DHX9: variants seen among roughly 807,000 people sequenced by gnomAD.
DHX9 encodes ATP-dependent RNA helicase A.
DHX9 carries 27 observed loss-of-function variants against 148.7 expected under a neutral mutation model. The observed-to-expected ratio is 0.18, with a 90% CI of 0.13 to 0.25. The LOEUF (loss-of-function observed/expected upper bound fraction) is 0.25, where lower values mean the gene tolerates loss of function less well. DHX9 is among the 10% of genes least tolerant of loss of function. The pLI is 1.00. For synonymous variants in DHX9, 529 were observed against 516.6 expected (o/e 1.02, Z -0.33); for missense variants, 796 against 1,559.6 (o/e 0.51, Z 8.25).
At chr1:182,872,270 C>G in intron 14 of DHX9, 67 bp from the exon 15 acceptor site, 2 of 1,374,350 alleles carry the variant, frequency 1.5e-6, no homozygotes, top group Middle Eastern at 2.6e-4. Flanking sequence ...CTGTATAACT[C>G]TTTTAGGCAT....
chr1:182,842,526 C>T lies in DHX9; in HGVS notation c.-22-19C>T. 1 of 1,491,728 alleles carries T rather than the reference C, an allele frequency of 6.7e-7. No individual in the cohort carries two copies. The highest frequency in any genetic ancestry group is 9.2e-7 in the Non-Finnish European group (1 of 1,085,670). The allele number at this position is 1,491,728 out of a possible 1,614,324, so 92.4% of individuals were successfully genotyped here. ...TTGCTATTATAAATGCTGTTTTTAA[C>T]TGACTTTTGTTTTCTTAGATCTGAA... On this transcript the variant is annotated intron_variant, in intron 1 of 27. Coordinates refer to ENST00000367549, the MANE Select transcript of DHX9 (RefSeq NM_001357.5).
chr1:182,873,389 C>A (rs920981579), intron 15 of DHX9, among the ~76,000 whole-genome samples: 2 of 152,160 alleles, frequency 1.3e-5, no homozygotes, highest in Admixed American at 1.3e-4. Flanking sequence ...TAGACAGATA[C>A]GAAGTGATGT....
chr1:182,840,168 G>A (rs1480935733), intron 1 of DHX9, among the ~76,000 whole-genome samples: 5 of 152,110 alleles, frequency 3.3e-5, no homozygotes, highest in African/African-American at 1.2e-4. Context: ...TCACTAGCCC[G>A]GGTGTGCAGT....
rs936420078 is a variant in DHX9 at position 182,849,991 on chromosome 1, C to A, written c.253-2242C>A. On this transcript the variant is annotated intron_variant, in intron 3 of 27. Coordinates refer to ENST00000367549, the MANE Select transcript of DHX9 (RefSeq NM_001357.5). Reference sequence around the variant, plus strand: ...TAAAGTGTACACACGTACCCCCCCCCCTTTTTTTTTTAATTTCATCAGCGT... The same window carrying A: ...TAAAGTGTACACACGTACCCCCCCCACTTTTTTTTTTAATTTCATCAGCGT... Among the ~76,000 whole-genome samples, 77 of 146,800 alleles carry A rather than the reference C, an allele frequency of 5.2e-4. 2 individuals carry two copies. Among genetic ancestry groups the A allele is most frequent in the Non-Finnish European group, 6.2e-4 (41 of 66,616 alleles).
intron 1 of DHX9, among the ~76,000 whole-genome samples, chr1:182,841,827 T>G (rs975927745): frequency 1.3e-5 from 2 of 152,212 alleles, no homozygotes; most frequent in Non-Finnish European, 2.9e-5. Flanking sequence ...TTGTTGCACT[T>G]CAAGAAAACT....
chr1:182,885,784 A>T (rs1293041873), intron 27 of DHX9, among the ~76,000 whole-genome samples: 3 of 152,230 alleles, frequency 2.0e-5, no homozygotes, highest in Non-Finnish European at 4.4e-5. Context: ...CAGTGCTCTT[A>T]CTATGCTATT....
At chr1:182,863,815 G>A (rs1396339401) in intron 12 of DHX9, among the ~76,000 whole-genome samples, 3 of 150,836 alleles carry the variant, frequency 2.0e-5, no homozygotes, top group African/African-American at 7.4e-5. Flanking sequence ...TACTGCTTTT[G>A]GTGTACTACA....
intron 1 of DHX9, chr1:182,840,045 C>G (rs1667890850): frequency 6.6e-6 from 1 of 152,358 alleles, no homozygotes; most frequent in Non-Finnish European, 1.5e-5. Context: ...AGGGCAGAAA[C>G]TGGGCGGGAG....
At chr1:182,877,754 A>G in intron 19 of DHX9, 1 of 356,870 alleles carries the variant, frequency 2.8e-6, no homozygotes, top group Non-Finnish European at 5.1e-6. Context: ...TTTACCAAAA[A>G]AACTATAAGG....
At chr1:182,884,102 T>C (rs1197570373) in intron 26 of DHX9, among the ~76,000 whole-genome samples, 1 of 152,122 alleles carries the variant, frequency 6.6e-6, no homozygotes, top group Non-Finnish European at 1.5e-5. Flanking sequence ...GTGAAACCTG[T>C]CTCTACGAAA....
chr1:182,876,790 TA>T, intron 18 of DHX9, 39 bp from the exon 19 acceptor site: 1 of 1,467,674 alleles, frequency 6.8e-7, no homozygotes, highest in South Asian at 1.2e-5. Context: ...AAGTAACTAA[TA>T]AGAATATTTT....
intron 6 of DHX9, among the ~76,000 whole-genome samples, chr1:182,855,338 T>C (rs1668235549): frequency 6.6e-6 from 1 of 152,202 alleles, no homozygotes; most frequent in Non-Finnish European, 1.5e-5. Context: ...TATCAGTATC[T>C]TATCATAGAT....
Position 182,880,597 on chromosome 1 carries a change from G to T in DHX9, c.2613G>T (p.Gly871=), listed in dbSNP as rs763574124. 1.9e-6 allele frequency: 3 copies of T among 1,609,212 alleles called. No individual in the cohort carries two copies. Among genetic ancestry groups the T allele is most frequent in the Non-Finnish European group, 1.7e-6 (2 of 1,175,758 alleles). Residue 871 remains glycine, a synonymous_variant, in exon 22 of 28, where the codon GGG becomes GGT. Transcript: ENST00000367549. ...EPRFGKMMIM[G]CIFYVGDAIC... is the part of the protein sequence containing the mutation. The stretch of plus-strand genomic sequence containing the variant: ...GTTTTGGCAAAATGATGATAATGGG[G>T]TGTATTTTCTAGTAAGTGCTTTGTT...
Position 182,876,115 on chromosome 1 carries a change from G to C in DHX9, c.1881G>C (p.Leu627Phe). ...AAACAAGGTTGAGCATGTCTCAATTGAACGAAAAGGAAACTCCTTTTGAAC... is the reference window on the plus strand; with the variant it reads ...AAACAAGGTTGAGCATGTCTCAATTCAACGAAAAGGAAACTCCTTTTGAAC... ...GPETRLSMSQ[L>F]NEKETPFELI... Residue 627 changes from leucine to phenylalanine, a missense_variant, in exon 17 of 28, where the codon TTG (leucine) becomes TTC (phenylalanine). By Grantham distance (22) the Leu-to-Phe change is conservative. Around this residue, in one of 14 missense-constraint regions of DHX9, gnomAD observed 133 missense variants for 223.8 expected, o/e 0.59. Transcript: ENST00000367549. 8.1e-6 allele frequency: 13 copies of C among 1,613,918 alleles called. No homozygotes were observed. The highest frequency in any genetic ancestry group is 1.0e-5 in the Non-Finnish European group (12 of 1,179,884).
At chr1:182,862,693 A>C (rs535284642) in intron 12 of DHX9, among the ~76,000 whole-genome samples, 1 of 152,216 alleles carries the variant, frequency 6.6e-6, no homozygotes, top group Admixed American at 6.5e-5. Context: ...TTAGATGTGA[A>C]AAAGCAAAGT....
intron 3 of DHX9, among the ~76,000 whole-genome samples, chr1:182,846,056 C>T (rs1668022873): frequency 6.6e-6 from 1 of 152,100 alleles, no homozygotes; most frequent in African/African-American, 2.4e-5. Flanking sequence ...GGAGGTGGGA[C>T]CGAAAGTTTC....
intron 12 of DHX9, among the ~76,000 whole-genome samples, chr1:182,863,712 G>A (rs925427146): frequency 6.6e-6 from 1 of 152,060 alleles, no homozygotes; most frequent in African/African-American, 2.4e-5. Context: ...TCATTGATAC[G>A]CTCACGTTAG....
chr1:182,885,757 C>T (rs1445925779), intron 27 of DHX9, among the ~76,000 whole-genome samples: 1 of 152,176 alleles, frequency 6.6e-6, no homozygotes, highest in Non-Finnish European at 1.5e-5. Context: ...CAAACCCAGG[C>T]AACATGGCTC....
intron 6 of DHX9, chr1:182,855,752 A>G: frequency 1.0e-6 from 1 of 985,230 alleles, no homozygotes; most frequent in Admixed American, 6.1e-5. Context: ...TCTAACATTT[A>G]TTTTTTTCTT....
Sources: allele counts gnomAD v4.1 joint callset (sites outside exome capture counted in the v4.1 genomes callset), GRCh38; gene constraint gnomAD v4.1.1; regional missense constraint gnomAD v4.1.1; transcripts MANE v1.5; gene names NCBI Gene and HGNC (gene_info 2026-07-23, HGNC 2026-07-21).